Variants in COL21A1 observed in about 807,000 individuals in gnomAD.
COL21A1 encodes the protein collagen alpha-1(XXI) chain.
A neutral mutation model predicts 137.9 loss-of-function variants in COL21A1; 149 were observed. That is an observed-to-expected ratio of 1.08 (90% CI 0.95 to 1.24). The LOEUF is 1.24. Among genes scored for constraint, COL21A1 ranks in the 50% most tolerant of loss-of-function variants. The pLI is 0.00. For missense variants in COL21A1, 1,167 were observed against 1,158.4 expected (o/e 1.01, Z -0.11); for synonymous variants, 456 against 391.5 (o/e 1.16, Z -1.95).
chr6:56,193,873 G>C (rs1778857414), intron 1 of COL21A1, among the ~76,000 whole-genome samples: 1 of 151,950 alleles, frequency 6.6e-6, no homozygotes, highest in African/African-American at 2.4e-5. Context: ...TCCTCCCTCA[G>C]CCTCCCGATT....
At chr6:56,304,005 G>T (rs913764972) in intron 1 of COL21A1, among the ~76,000 whole-genome samples, 16 of 151,988 alleles carry the variant, frequency 1.1e-4, no homozygotes, top group East Asian at 1.9e-4. Flanking sequence ...GGTTTTTGTC[G>T]TTGGTTCTGT....
chr6:56,064,606 T>C lies in COL21A1; in HGVS notation c.2144A>G (p.Asn715Ser). 1 of 1,592,818 alleles carries C rather than the reference T, an allele frequency of 6.3e-7. No individual in the cohort carries two copies. Among genetic ancestry groups the C allele is most frequent in the Non-Finnish European group, 8.6e-7 (1 of 1,168,400 alleles). Residue 715 changes from asparagine to serine, a missense_variant, in exon 24 of 30, where the codon AAT becomes AGT. By Grantham distance (46) the Asn-to-Ser change is conservative (BLOSUM62 1). Coordinates refer to ENST00000244728, the MANE Select transcript of COL21A1 (RefSeq NM_030820.4). ...TTGCCCTGGAATTCCCTGTCTTCCA[T>C]TTTCTCCCTTTTGACCCTTTAAAAT... ...EKGIQGQKGE[N>S]GRQGIPGQQG...
intron 1 of COL21A1, among the ~76,000 whole-genome samples, chr6:56,358,475 A>G (rs1332229307): frequency 6.6e-6 from 1 of 152,204 alleles, no homozygotes; most frequent in Non-Finnish European, 1.5e-5. Context: ...AATTTGATTT[A>G]TATCTTCCCT....
At chr6:56,146,924 A>T (rs947928818) in intron 10 of COL21A1, among the ~76,000 whole-genome samples, 5 of 152,168 alleles carry the variant, frequency 3.3e-5, no homozygotes, top group African/African-American at 1.2e-4. Context: ...ATAGAGCAAC[A>T]TCATCCAGTT....
At chr6:56,321,760 A>C (rs1381661146) in intron 1 of COL21A1, among the ~76,000 whole-genome samples, 1 of 152,086 alleles carries the variant, frequency 6.6e-6, no homozygotes. Context: ...GTTGACAATG[A>C]CCAACTGAGA....
intron 16 of COL21A1, among the ~76,000 whole-genome samples, chr6:56,123,242 G>A (rs532230469): frequency 2.4e-4 from 37 of 152,274 alleles, no homozygotes; most frequent in African/African-American, 8.9e-4. Flanking sequence ...TAACAAGAAG[G>A]AACCAATGAC....
At chr6:56,143,249 G>A (rs1250076648) in intron 10 of COL21A1, among the ~76,000 whole-genome samples, 2 of 138,630 alleles carry the variant, frequency 1.4e-5, no homozygotes, top group Admixed American at 7.7e-5. Context: ...CACTCAGACT[G>A]GAGTGCAGTG....
chr6:56,157,599 C>A (rs1233956137), intron 9 of COL21A1, among the ~76,000 whole-genome samples: 2 of 152,072 alleles, frequency 1.3e-5, no homozygotes, highest in African/African-American at 4.8e-5. Context: ...CTGCACCCAG[C>A]CTATAGACTT....
At chr6:56,107,990 G>A (rs1771094899) in intron 16 of COL21A1, among the ~76,000 whole-genome samples, 1 of 151,890 alleles carries the variant, frequency 6.6e-6, no homozygotes, top group African/African-American at 2.4e-5. Flanking sequence ...AGATAATAGG[G>A]TATAATTTAA....
At chr6:56,213,059 T>C (rs1430578006) in intron 1 of COL21A1, among the ~76,000 whole-genome samples, 2 of 152,034 alleles carry the variant, frequency 1.3e-5, no homozygotes. Flanking sequence ...TTCTTTTCTA[T>C]TAAAAAGTAG....
At chr6:56,075,923 A>G (rs1442081463) in intron 18 of COL21A1, among the ~76,000 whole-genome samples, 3 of 151,520 alleles carry the variant, frequency 2.0e-5, no homozygotes, top group Admixed American at 6.6e-5. Flanking sequence ...TTAGACTTCA[A>G]CTTCCAGGGA....
intron 1 of COL21A1, among the ~76,000 whole-genome samples, chr6:56,300,408 CT>C (rs1174063375): frequency 2.6e-5 from 4 of 151,990 alleles, no homozygotes; most frequent in Non-Finnish European, 5.9e-5. Flanking sequence ...GAAAAATAAC[CT>C]TTTATTAAAT....
intron 3 of COL21A1, among the ~76,000 whole-genome samples, chr6:56,175,402 A>G (rs1228641558): frequency 6.6e-6 from 1 of 152,040 alleles, no homozygotes; most frequent in Non-Finnish European, 1.5e-5. Context: ...TACATAAAAG[A>G]CTCCATGCCA....
intron 1 of COL21A1, among the ~76,000 whole-genome samples, chr6:56,231,428 G>T (rs571333769): frequency 2.0e-5 from 3 of 151,852 alleles, no homozygotes; most frequent in South Asian, 4.1e-4. Context: ...GGGTAAAAGA[G>T]GATAGTACTG....
chr6:56,138,128 C>G (rs1337580877), intron 12 of COL21A1, among the ~76,000 whole-genome samples: 3 of 151,984 alleles, frequency 2.0e-5, no homozygotes, highest in Non-Finnish European at 2.9e-5. Flanking sequence ...AACACCACTT[C>G]CATAAAAAGT....
intron 1 of COL21A1, among the ~76,000 whole-genome samples, chr6:56,311,010 AGG>A (rs534525153): frequency 3.0e-4 from 46 of 152,346 alleles, no homozygotes; most frequent in African/African-American, 9.9e-4. Flanking sequence ...CACAAAAGCC[AGG>A]AATAATATAC....
At chr6:56,126,978 T>A (rs1773101359) in intron 12 of COL21A1, among the ~76,000 whole-genome samples, 1 of 152,206 alleles carries the variant, frequency 6.6e-6, no homozygotes, top group Admixed American at 6.5e-5. Context: ...AAGAGTGATA[T>A]ATTTATTCAA....
intron 17 of COL21A1, among the ~76,000 whole-genome samples, chr6:56,100,753 C>T (rs1159415613): frequency 6.6e-6 from 1 of 152,156 alleles, no homozygotes; most frequent in Non-Finnish European, 1.5e-5. Flanking sequence ...AATCCCTCTA[C>T]CCTATTTAAG....
chr6:56,353,608 G>A lies in COL21A1; in HGVS notation c.-39+40363C>T, dbSNP rs1231040518. ...GTTGTCTTATAACACTAAGCCTGGAGTGGTTTATTATGAATCAATTAGGTA... is the reference window on the plus strand; with the variant it reads ...GTTGTCTTATAACACTAAGCCTGGAATGGTTTATTATGAATCAATTAGGTA... On this transcript the variant is annotated intron_variant, in intron 1 of 28. Coordinates refer to the COL21A1 transcript ENST00000370819. Among the ~76,000 whole-genome samples the A allele has an allele frequency of 4.6e-5, 7 of 152,332 alleles. No homozygotes were observed. In the South Asian group the frequency reaches 1.2e-3, roughly 27 times the overall value.
Sources: gnomAD v4.1 joint callset for allele counts (sites outside exome capture counted in the v4.1 genomes callset) on GRCh38, gnomAD v4.1.1 for gene constraint, MANE v1.5 for transcripts, NCBI Gene and HGNC (gene_info 2026-07-23, HGNC 2026-07-21) for gene names.